The following SBNO1 variants were observed in gnomAD, a reference collection of about 807,000 sequenced individuals.
SBNO1 encodes strawberry notch homolog 1.
In SBNO1, 23 loss-of-function variants were observed where a neutral mutation model predicts 173.6. The observed-to-expected ratio is 0.13, with a 90% CI of 0.10 to 0.19. SBNO1 has a LOEUF of 0.19. SBNO1 is among the 10% of genes least tolerant of loss of function. SBNO1 has a pLI of 1.00. For synonymous variants in SBNO1, 632 were observed against 571.5 expected, an observed-to-expected ratio of 1.11 and a Z score of -1.51; for missense variants, 1,238 against 1,671.2, an observed-to-expected ratio of 0.74 and a Z score of 4.52.
In SBNO1 at chr12:123,320,651, A is replaced by G. The variant is rs770646091; in HGVS notation, c.2492-44T>C. ...CTAAAAGTTAGTACAAAGTTTAAAT[A>G]TTTTTGTTTAAAACAGTATTTCAAA... On this transcript the variant is annotated intron_variant, in intron 18 of 31. Coordinates refer to ENST00000602398, the MANE Select transcript of SBNO1 (RefSeq NM_001167856.3). 3.8e-6 allele frequency: 6 copies of G among 1,598,930 alleles called. No homozygotes were observed. The East Asian group carries it at 8.9e-5, about 24-fold the overall frequency.
At chr12:123,348,210 T>G in intron 2 of SBNO1, 77 bp from the exon 3 acceptor site, 1 of 722,168 alleles carries the variant, frequency 1.4e-6, no homozygotes, top group East Asian at 2.7e-5. Flanking sequence ...TTTGCATTTA[T>G]TAAAAAATAT....
chr12:123,297,397 G>T, intron 31 of SBNO1, among the ~76,000 whole-genome samples: 1 of 13,988 alleles, frequency 7.1e-5, no homozygotes, highest in Non-Finnish European at 2.5e-4. Flanking sequence ...AAATACTGGT[G>T]TCCAAAAAAA....
At chr12:123,334,295 T>C (rs954499905) in intron 6 of SBNO1, 82 bp from the exon 7 acceptor site, 61 of 861,096 alleles carry the variant, frequency 7.1e-5, no homozygotes, top group African/African-American at 6.9e-4. Context: ...ATTTCAATGT[T>C]TTTCTTATAA....
At position 123,327,873 on chromosome 12, in the gene SBNO1, T is replaced by A. The variant is rs1323706017; in HGVS notation, c.1432+19A>T. On this transcript the variant is annotated intron_variant, in intron 11 of 31. Transcript: ENST00000602398. ...AAAAATAACCTACAATATATATTTT[T>A]AAATAAATAAATACTCACCAGTTGC... 3 of 1,585,814 alleles carry A rather than the reference T, an allele frequency of 1.9e-6. No individual in the cohort carries two copies. The African/African-American group carries it at 4.1e-5, about 22-fold the overall frequency.
chr12:123,302,054 C>T (rs189117323), intron 30 of SBNO1, among the ~76,000 whole-genome samples: 2 of 151,814 alleles, frequency 1.3e-5, no homozygotes, highest in East Asian at 3.9e-4. Flanking sequence ...AATTCTGCCT[C>T]GGCCTCCTGA....
intron 1 of SBNO1, among the ~76,000 whole-genome samples, chr12:123,361,142 G>A (rs1405030912): frequency 6.6e-6 from 1 of 152,326 alleles, no homozygotes; most frequent in African/African-American, 2.4e-5. Flanking sequence ...TACTTGGGAG[G>A]CTAAGGCAGG....
At chr12:123,364,584 C>T (rs1875902176) in intron 1 of SBNO1, 117 bp downstream of exon 1, 8 of 983,498 alleles carry the variant, frequency 8.1e-6, no homozygotes, top group Non-Finnish European at 9.7e-6. Context: ...AGGCCCCAAG[C>T]CGGGGCGAGG....
Position 123,327,950 on chromosome 12 carries a change from T to A in SBNO1, c.1374A>T (p.Ala458=), listed in dbSNP as rs1870778541. 2 of 1,613,530 alleles carry A rather than the reference T, an allele frequency of 1.2e-6. No homozygotes were observed. ...GCAATTTGTTCTGAAGCTCTAAAAC[T>A]GCTAAGCCTGTCTTGGTTGGCTTTG... ...GSSKPTKTGL[A]VLELQNKLPK... is the part of the protein sequence containing the mutation. The change falls in exon 11 of 32, where the codon GCA becomes GCT. Residue 458 remains alanine, a synonymous_variant. Coordinates refer to ENST00000602398, the MANE Select transcript of SBNO1 (RefSeq NM_001167856.3).
intron 3 of SBNO1, among the ~76,000 whole-genome samples, chr12:123,345,964 T>C (rs1447373491): frequency 6.6e-6 from 1 of 152,194 alleles, no homozygotes; most frequent in Non-Finnish European, 1.5e-5. Flanking sequence ...TGCCCAGCCT[T>C]GCCTAAATAT....
intron 1 of SBNO1, among the ~76,000 whole-genome samples, chr12:123,350,958 C>T (rs1261907005): frequency 6.6e-6 from 1 of 152,084 alleles, no homozygotes; most frequent in African/African-American, 2.4e-5. Context: ...CTTGCCTCTA[C>T]TAAAAATACA....
Position 123,321,527 on chromosome 12 carries a change from GAACTT to G in SBNO1, c.2323+3_2323+7del, listed in dbSNP as rs774296060. On this transcript the variant is annotated splice_donor_5th_base_variant and intron_variant, in intron 17 of 31. Transcript: ENST00000602398. ...TGCTTTCGTGTATATTTAATATACT[GAACTT>G]ACCATTTTCATCATCCTCATTAGAC... 7 of 1,589,388 alleles carry G rather than the reference GAACTT, an allele frequency of 4.4e-6. No individual in the cohort carries two copies. In the African/African-American group the frequency reaches 9.4e-5, roughly 21 times the overall value.
intron 1 of SBNO1, among the ~76,000 whole-genome samples, chr12:123,358,713 A>C (rs1482035531): frequency 1.4e-5 from 2 of 138,194 alleles, no homozygotes; most frequent in Non-Finnish European, 3.0e-5. Flanking sequence ...ACTGCACTCC[A>C]GCCAGGGCAA....
chr12:123,323,214 G>A (rs1258485386), intron 16 of SBNO1, among the ~76,000 whole-genome samples: 1 of 152,138 alleles, frequency 6.6e-6, no homozygotes, highest in Non-Finnish European at 1.5e-5. Context: ...GGGATAACTT[G>A]TGCATTCAAA....
intron 9 of SBNO1, among the ~76,000 whole-genome samples, chr12:123,329,846 A>C (rs1276442432): frequency 6.6e-6 from 1 of 152,178 alleles, no homozygotes; most frequent in Non-Finnish European, 1.5e-5. Context: ...AGCACCAACA[A>C]TTGGTGCATG....
intron 13 of SBNO1, 115 bp downstream of exon 13, chr12:123,327,311 T>A (rs781504900): frequency 4.5e-6 from 4 of 881,244 alleles, no homozygotes; most frequent in Non-Finnish European, 7.0e-6. Context: ...GCTTCATCTG[T>A]TGTTTTATAG....
chr12:123,350,860 G>GCAGTGTCCCACA (rs11270010), intron 1 of SBNO1, among the ~76,000 whole-genome samples: 1 of 152,084 alleles, frequency 6.6e-6, no homozygotes, highest in Admixed American at 6.5e-5. Flanking sequence ...GAGGCCAGAT[G>GCAGTGTCCCACA]CCTGTAATCC....
intron 9 of SBNO1, among the ~76,000 whole-genome samples, chr12:123,330,218 G>C (rs1020684912): frequency 2.0e-5 from 3 of 152,200 alleles, no homozygotes; most frequent in African/African-American, 7.2e-5. Context: ...AGCCACATGT[G>C]ATGAGTGGCT....
chr12:123,364,681 G>C lies in SBNO1; in HGVS notation c.-1+20C>G. ...GGAGGGGGAGTGTGGAAGGAGAAAA[G>C]GGCCAAGGGAAGGACTTACTTTCCC... On this transcript the variant is annotated intron_variant, in intron 1 of 31. Transcript: ENST00000602398. The C allele has an allele frequency of 4.1e-6, 4 of 983,674 alleles. No homozygotes were observed. The highest frequency in any genetic ancestry group is 4.8e-6 in the Non-Finnish European group (4 of 828,694). 60.9% of individuals were successfully genotyped at this position (983,674 alleles called of 1,614,324 possible).
intron 19 of SBNO1, 75 bp downstream of exon 19, chr12:123,320,357 A>G: frequency 7.7e-7 from 1 of 1,297,652 alleles, no homozygotes; most frequent in East Asian, 2.3e-5. Context: ...TATTATGTGA[A>G]GACAGTCAAA....
Sources: allele counts gnomAD v4.1 joint callset (sites outside exome capture counted in the v4.1 genomes callset), GRCh38; gene constraint gnomAD v4.1.1; transcripts MANE v1.5; gene names NCBI Gene and HGNC (gene_info 2026-07-23, HGNC 2026-07-21).